SH3BP5: variants seen among roughly 807,000 people sequenced by gnomAD.
The protein encoded by SH3BP5 is SH3 domain-binding protein 5.
SH3BP5 carries 22 observed loss-of-function variants against 43.3 expected under a neutral mutation model. The ratio of observed to expected loss-of-function variants is 0.51; its 90% CI spans 0.36 to 0.73. SH3BP5 has a LOEUF of 0.73. Ranked by LOEUF, SH3BP5 falls within the 30% of genes least tolerant of loss-of-function variation. SH3BP5 has a pLI of 0.00. For missense variants in SH3BP5, 529 were observed against 586.9 expected (o/e 0.90, Z 1.02); for synonymous variants, 255 against 225.8 (o/e 1.13, Z -1.16).
chr3:15,266,181 GT>G (rs1696639037), intron 4 of SH3BP5, among the ~76,000 whole-genome samples: 2 of 152,344 alleles, frequency 1.3e-5, no homozygotes, highest in East Asian at 3.9e-4. Flanking sequence ...CATTCTGACT[GT>G]TTCAGACTGT....
chr3:15,287,922 G>T (rs1697310038), intron 3 of SH3BP5, among the ~76,000 whole-genome samples: 1 of 152,202 alleles, frequency 6.6e-6, no homozygotes, highest in South Asian at 2.1e-4. Context: ...ACTGGAGACA[G>T]AAGAAATGTT....
At chr3:15,275,014 G>A (rs776591911) in intron 3 of SH3BP5, among the ~76,000 whole-genome samples, 18 of 152,152 alleles carry the variant, frequency 1.2e-4, no homozygotes, top group Non-Finnish European at 2.4e-4. Context: ...CAGGAGATTT[G>A]GGAGGGAGCA....
At chr3:15,276,128 C>G (rs1030312576) in intron 3 of SH3BP5, 13 of 151,520 alleles carry the variant, frequency 8.6e-5, no homozygotes, top group African/African-American at 3.2e-4. Context: ...GAGCATTCCA[C>G]GAAGGGTCAT....
At chr3:15,310,952 A>G (rs1389278258) in intron 2 of SH3BP5, among the ~76,000 whole-genome samples, 1 of 152,164 alleles carries the variant, frequency 6.6e-6, no homozygotes, top group Non-Finnish European at 1.5e-5. Context: ...TTGAACATGA[A>G]GCACACAGGA....
At chr3:15,304,803 C>T (rs947121650) in intron 2 of SH3BP5, among the ~76,000 whole-genome samples, 4 of 113,478 alleles carry the variant, frequency 3.5e-5, no homozygotes, top group South Asian at 2.9e-4. Flanking sequence ...TGACAGAGCA[C>T]GACTCTGTCT....
At chr3:15,278,410 G>A (rs28678604) in intron 3 of SH3BP5, among the ~76,000 whole-genome samples, 8,958 of 152,196 alleles carry the variant, frequency 0.059, 901 homozygotes, top group African/African-American at 0.2. Flanking sequence ...GTGGTTTTCT[G>A]CCTATATTCT....
Position 15,256,220 on chromosome 3 carries a change from C to T in SH3BP5, c.1234G>A (p.Gly412Ser). 1 of 1,614,042 alleles carries T rather than the reference C, an allele frequency of 6.2e-7. No individual in the cohort carries two copies. The highest frequency in any genetic ancestry group is 8.5e-7 in the Non-Finnish European group (1 of 1,180,034). ...GTGCTGCTTTGGCTCTTACTGCTGC[C>T]ACCACTGCCACTGCTACTGCTGAGG... ...RGLSSSSGSG[G>S]SSKSQSSTSP... The change falls in exon 9 of 9, where the codon GGC becomes AGC. Residue 412 changes from glycine to serine, a missense_variant. Physicochemically the swap from Gly to Ser is moderately conservative, Grantham distance 56. Transcript: ENST00000383791.
intron 2 of SH3BP5, among the ~76,000 whole-genome samples, chr3:15,318,752 A>G (rs896258858): frequency 1.4e-4 from 22 of 152,198 alleles, no homozygotes; most frequent in African/African-American, 4.8e-4. Flanking sequence ...TTTGTATTTT[A>G]GTAGAGATAG....
At chr3:15,333,884 A>C (rs1698668786), upstream of SH3BP5, among the ~76,000 whole-genome samples, 1 of 152,214 alleles carries the variant, frequency 6.6e-6, no homozygotes, top group Non-Finnish European at 1.5e-5. Flanking sequence ...CTAAAGACAT[A>C]GTTGCTTTTG....
At chr3:15,340,618 G>T (rs1698754009) in intron 1 of SH3BP5, among the ~76,000 whole-genome samples, 1 of 152,016 alleles carries the variant, frequency 6.6e-6, no homozygotes, top group African/African-American at 2.4e-5. Flanking sequence ...AGGCGTGGTG[G>T]CAGGCACCTG....
intron 3 of SH3BP5, among the ~76,000 whole-genome samples, chr3:15,303,692 GA>G (rs754583932): frequency 1.3e-3 from 182 of 135,072 alleles, no homozygotes; most frequent in Middle Eastern, 3.7e-3. Context: ...TCTTAAAAAG[GA>G]AAAAAAAAAA....
At chr3:15,326,152 T>C (rs1698458100) in intron 2 of SH3BP5, among the ~76,000 whole-genome samples, 2 of 152,294 alleles carry the variant, frequency 1.3e-5, no homozygotes, top group South Asian at 2.1e-4. Flanking sequence ...AAGGTTGGCT[T>C]TTGCTGATAT....
chr3:15,312,523 C>A (rs114973132), intron 2 of SH3BP5, among the ~76,000 whole-genome samples: 3 of 152,164 alleles, frequency 2.0e-5, no homozygotes, highest in African/African-American at 7.2e-5. Context: ...GTGTGCTGCA[C>A]GCCACCTGCC....
At chr3:15,330,404 G>T in intron 2 of SH3BP5, 100 bp downstream of exon 2, 3 of 944,200 alleles carry the variant, frequency 3.2e-6, no homozygotes, top group Admixed American at 1.9e-5. Context: ...AAGGAGGGGG[G>T]TCCAGCAATA....
At chr3:15,333,319 CAG>C (rs1458944828), upstream of SH3BP5, 1 of 969,066 alleles carries the variant, frequency 1.0e-6, no homozygotes, top group African/African-American at 1.8e-5. Context: ...ACTGTGATGT[CAG>C]GGGAACGCAA....
intron 2 of SH3BP5, among the ~76,000 whole-genome samples, chr3:15,311,243 G>A (rs1476462790): frequency 1.3e-5 from 2 of 152,136 alleles, no homozygotes; most frequent in Non-Finnish European, 2.9e-5. Context: ...AACAGGCTCA[G>A]CCAGAATTTC....
At chr3:15,258,750 G>T in intron 7 of SH3BP5, 81 bp downstream of exon 7, 2 of 1,270,224 alleles carry the variant, frequency 1.6e-6, no homozygotes, top group Non-Finnish European at 1.1e-6. Context: ...TTTCACTGAT[G>T]GCCAGAGAAA....
intron 7 of SH3BP5, chr3:15,258,217 GTTGGGTGGGT>G (rs1696293932): frequency 6.6e-6 from 1 of 152,196 alleles, no homozygotes; most frequent in South Asian, 2.1e-4. Flanking sequence ...CAAAGACAGC[GTTGGGTGGGT>G]TTTCTTGATG....
At chr3:15,296,731 T>G (rs1290829765) in intron 3 of SH3BP5, among the ~76,000 whole-genome samples, 1 of 140,640 alleles carries the variant, frequency 7.1e-6, no homozygotes, top group Non-Finnish European at 1.5e-5. Context: ...TCTCACTCTT[T>G]CACCCAGACT....
Sources: allele counts gnomAD v4.1 joint callset (sites outside exome capture counted in the v4.1 genomes callset), GRCh38; gene constraint gnomAD v4.1.1; transcripts MANE v1.5; gene names NCBI Gene and HGNC (gene_info 2026-07-23, HGNC 2026-07-21).